The following CLVS1 variants were observed in gnomAD, a reference collection of about 807,000 sequenced individuals.
CLVS1 encodes the protein clavesin 1, also known as clavesin-1.
A neutral mutation model predicts 33.1 loss-of-function variants in CLVS1; 10 were observed. The ratio of observed to expected loss-of-function variants is 0.30; its 90% CI spans 0.19 to 0.51. CLVS1 has a LOEUF of 0.51. Ranked by LOEUF, CLVS1 falls within the 20% of genes least tolerant of loss-of-function variation. The probability of loss-of-function intolerance (pLI) is 0.97; values close to 1 mark genes in which losing one functional copy is unlikely to be tolerated. For synonymous variants in CLVS1, 163 were observed against 166.1 expected (o/e 0.98, Z 0.14); for missense variants, 343 against 433.4 (o/e 0.79, Z 1.85).
the CLVS1 span, among the ~76,000 whole-genome samples, chr8:60,973,082 G>A: frequency 1.3e-5 from 2 of 152,214 alleles, no homozygotes; most frequent in East Asian, 3.8e-4. Context: ...ATGGGGGTCT[G>A]TCCAGATTCA....
intron 2 of CLVS1, among the ~76,000 whole-genome samples, chr8:61,193,632 A>C (rs980359146): frequency 2.0e-5 from 3 of 152,130 alleles, no homozygotes; most frequent in African/African-American, 7.2e-5. Flanking sequence ...ACAACCGCCA[A>C]CTAAAATTTT....
At chr8:61,166,218 C>T (rs916009800) in intron 2 of CLVS1, among the ~76,000 whole-genome samples, 12 of 152,004 alleles carry the variant, frequency 7.9e-5, no homozygotes, top group African/African-American at 2.9e-4. Flanking sequence ...ACCTCTGCCT[C>T]CTGGGTTCAA....
chr8:61,187,236 A>G (rs2129301887), intron 2 of CLVS1, among the ~76,000 whole-genome samples: 1 of 152,272 alleles, frequency 6.6e-6, no homozygotes, highest in South Asian at 2.1e-4. Flanking sequence ...ATACAGGCAG[A>G]CAAAAGGAAA....
intron 2 of CLVS1, among the ~76,000 whole-genome samples, chr8:61,313,079 C>T (rs149907521): frequency 3.9e-4 from 60 of 152,274 alleles, no homozygotes; most frequent in South Asian, 1.7e-3. Context: ...TTCCCACCTT[C>T]GCGTATACAG....
chr8:61,359,850 G>A (rs991980351), intron 2 of CLVS1, among the ~76,000 whole-genome samples: 1 of 152,124 alleles, frequency 6.6e-6, no homozygotes, highest in South Asian at 2.1e-4. Flanking sequence ...AAACTGGTGG[G>A]CCTGTGTCCC....
intron 3 of CLVS1, chr8:61,377,893 G>GTGGCTATATCATA (rs6150608): frequency 6.6e-6 from 1 of 151,904 alleles, no homozygotes; most frequent in Non-Finnish European, 1.5e-5. Context: ...ATTGTCCTGG[G>GTGGCTATATCATA]TAGTGTATTT....
At chr8:61,103,493 T>C (rs1805485338) in intron 1 of CLVS1, among the ~76,000 whole-genome samples, 1 of 152,180 alleles carries the variant, frequency 6.6e-6, no homozygotes, top group African/African-American at 2.4e-5. Flanking sequence ...TAAGTAAATA[T>C]CTTTGGGGTC....
At chr8:61,256,958 G>C (rs1237838127) in intron 2 of CLVS1, among the ~76,000 whole-genome samples, 1 of 152,168 alleles carries the variant, frequency 6.6e-6, no homozygotes, top group Non-Finnish European at 1.5e-5. Context: ...AAGTTTATAA[G>C]ACCTGTAAGG....
At chr8:60,999,391 G>A in the CLVS1 span, among the ~76,000 whole-genome samples, 1 of 152,120 alleles carries the variant, frequency 6.6e-6, no homozygotes, top group Admixed American at 6.5e-5. Context: ...GAAACAGTGG[G>A]GTATGGTAGA....
chr8:61,356,240 C>T (rs1430497009), intron 2 of CLVS1, among the ~76,000 whole-genome samples: 2 of 152,168 alleles, frequency 1.3e-5, no homozygotes, highest in East Asian at 3.9e-4. Flanking sequence ...TCATATCCTT[C>T]ACCCAGTTTT....
intron 2 of CLVS1, among the ~76,000 whole-genome samples, chr8:61,158,250 A>G (rs1806686767): frequency 6.6e-6 from 1 of 152,150 alleles, no homozygotes; most frequent in Non-Finnish European, 1.5e-5. Flanking sequence ...CTACTCATAT[A>G]AGATTCGAAA....
chr8:61,298,833 G>A (rs1281891822), intron 1 of CLVS1, among the ~76,000 whole-genome samples: 2 of 152,114 alleles, frequency 1.3e-5, no homozygotes, highest in Non-Finnish European at 2.9e-5. Flanking sequence ...TATCTGAGGG[G>A]ATTAAAATAT....
At chr8:60,969,830 A>G in the CLVS1 span, among the ~76,000 whole-genome samples, 2 of 152,258 alleles carry the variant, frequency 1.3e-5, no homozygotes, top group South Asian at 4.1e-4. Flanking sequence ...GCAATACAGT[A>G]TAACAACTAT....
intron 5 of CLVS1, among the ~76,000 whole-genome samples, chr8:61,498,173 A>G (rs1408071884): frequency 6.6e-6 from 1 of 152,066 alleles, no homozygotes; most frequent in Non-Finnish European, 1.5e-5. Context: ...CACCTCTGAC[A>G]CTCTTACTGC....
chr8:61,475,855 T>A (rs1482547432), intron 5 of CLVS1, among the ~76,000 whole-genome samples: 1 of 152,216 alleles, frequency 6.6e-6, no homozygotes, highest in Non-Finnish European at 1.5e-5. Flanking sequence ...GGTGTTTTAG[T>A]CAAGAAGTCC....
Position 61,059,499 on chromosome 8 carries a change from T to TATATATATATATATATATATATACAC in CLVS1, c.-243+2270_-243+2271insTATATATATATATATATATATACACA, listed in dbSNP as rs1265187479. On this transcript the variant is annotated intron_variant, in intron 1 of 2. Transcript: ENST00000522621. ...ACATATATATATATATATATATATA[T>TATATATATATATATATATATATACAC]ACACATATCTTGAAAATAGCACGAG... Among the ~76,000 whole-genome samples the TATATATATATATATATATATATACAC allele has an allele frequency of 7.8e-3, 749 of 95,890 alleles. 19 individuals are homozygous for TATATATATATATATATATATATACAC. The highest frequency in any genetic ancestry group is 0.017 in the Middle Eastern group (3 of 174). 62.9% of individuals were successfully genotyped at this position (95,890 alleles called of 152,430 possible).
chr8:61,062,520 G>A (rs1804599704), intron 1 of CLVS1, among the ~76,000 whole-genome samples: 1 of 152,172 alleles, frequency 6.6e-6, no homozygotes, highest in Non-Finnish European at 1.5e-5. Context: ...CACTGCTTTG[G>A]TCTTGAAGCC....
chr8:60,988,418 C>G, the CLVS1 span, among the ~76,000 whole-genome samples: 4 of 152,036 alleles, frequency 2.6e-5, no homozygotes, highest in Non-Finnish European at 5.9e-5. Flanking sequence ...AAGCTGCTCC[C>G]GTGGGCCCGG....
At chr8:61,407,944 G>A (rs546803658) in intron 3 of CLVS1, among the ~76,000 whole-genome samples, 3 of 152,300 alleles carry the variant, frequency 2.0e-5, no homozygotes, top group South Asian at 4.1e-4. Context: ...TTTGTTAAGT[G>A]TTTTTCATTT....
Sources: gnomAD v4.1 joint callset for allele counts (sites outside exome capture counted in the v4.1 genomes callset) on GRCh38, gnomAD v4.1.1 for gene constraint, MANE v1.5 for transcripts, NCBI Gene and HGNC (gene_info 2026-07-23, HGNC 2026-07-21) for gene names.